GRIN2B: variants seen among roughly 807,000 people sequenced by gnomAD.
GRIN2B encodes the protein glutamate receptor ionotropic, NMDA 2B.
A neutral mutation model predicts 114.5 loss-of-function variants in GRIN2B; 5 were observed. That is an observed-to-expected ratio of 0.04 (90% CI 0.02 to 0.09). The LOEUF (loss-of-function observed/expected upper bound fraction) is 0.09. Ranked by LOEUF, GRIN2B falls within the 10% of genes least tolerant of loss-of-function variation. The probability of loss-of-function intolerance (pLI) is 1.00; values close to 1 mark genes in which losing one functional copy is unlikely to be tolerated. For synonymous variants in GRIN2B, 787 were observed against 745.1 expected, an observed-to-expected ratio of 1.06 and a Z score of -0.92; for missense variants, 1,108 against 1,943.5, an observed-to-expected ratio of 0.57 and a Z score of 8.08.
chr12:13,845,855 A>T (rs1030362895), intron 3 of GRIN2B, among the ~76,000 whole-genome samples: 4 of 152,204 alleles, frequency 2.6e-5, no homozygotes, highest in Non-Finnish European at 5.9e-5. Context: ...TATGTGCCAA[A>T]TCTTAAAATC....
intron 3 of GRIN2B, among the ~76,000 whole-genome samples, chr12:13,834,579 TG>T (rs1865220479): frequency 6.6e-6 from 1 of 152,182 alleles, no homozygotes; most frequent in Non-Finnish European, 1.5e-5. Context: ...ACCTCGTCCC[TG>T]GGTCAACTCT....
In GRIN2B at chr12:13,713,596, G is replaced by T. The variant is rs113555205; in HGVS notation, c.1011-37737C>A. Among the ~76,000 whole-genome samples the T allele has an allele frequency of 3.2e-3, 490 of 152,008 alleles. 6 individuals carry two copies. Among genetic ancestry groups the T allele is most frequent in the African/African-American group, 0.011 (462 of 41,526 alleles). ...TAAGACGTTCTTAATAGAACAAGAAGTCACATGAACCAATACGTCATTCCA... is the reference window on the plus strand; with the variant it reads ...TAAGACGTTCTTAATAGAACAAGAATTCACATGAACCAATACGTCATTCCA... On this transcript the variant is annotated intron_variant, in intron 4 of 13. Transcript: ENST00000609686.
At chr12:13,729,957 A>G (rs896417927) in intron 4 of GRIN2B, among the ~76,000 whole-genome samples, 2 of 151,228 alleles carry the variant, frequency 1.3e-5, no homozygotes, top group African/African-American at 4.9e-5. Flanking sequence ...CAGCACATGT[A>G]TCTTTGCTCT....
chr12:13,618,790 G>A (rs1314331656), intron 5 of GRIN2B, among the ~76,000 whole-genome samples: 3 of 152,290 alleles, frequency 2.0e-5, no homozygotes, highest in Non-Finnish European at 2.9e-5. Context: ...TTGGTATTAA[G>A]AGCTAACATG....
chr12:13,973,040 G>C (rs1862958254), intron 2 of GRIN2B, among the ~76,000 whole-genome samples: 1 of 152,124 alleles, frequency 6.6e-6, no homozygotes, highest in African/African-American at 2.4e-5. Flanking sequence ...GAAGGTGGGA[G>C]GATTAGTTAA....
In GRIN2B at chr12:13,608,242, C is replaced by T. The variant is rs527982508; in HGVS notation, c.2010+361G>A. On this transcript the variant is annotated intron_variant, in intron 10 of 13. Coordinates refer to ENST00000609686, the MANE Select transcript of GRIN2B (RefSeq NM_000834.5). ...GGAGGCCATCATGCGCCCATCTCCT[C>T]GGTGTGGGTACACGGCGGCGGTCCT... Among the ~76,000 whole-genome samples the T allele has an allele frequency of 2.6e-5, 4 of 152,210 alleles. No individual in the cohort carries two copies. The East Asian group carries it at 7.7e-4, about 29-fold the overall frequency.
intron 2 of GRIN2B, among the ~76,000 whole-genome samples, chr12:13,940,934 G>C (rs919996276): frequency 5.3e-5 from 8 of 152,106 alleles, no homozygotes; most frequent in African/African-American, 1.9e-4. Flanking sequence ...ACACCTTACA[G>C]GGACTTTGGG....
intron 5 of GRIN2B, among the ~76,000 whole-genome samples, chr12:13,647,547 T>C (rs1949772380): frequency 6.6e-6 from 1 of 152,016 alleles, no homozygotes; most frequent in African/African-American, 2.4e-5. Flanking sequence ...GGTCTTGAAG[T>C]TAAAAATAAT....
At chr12:13,582,235 AAG>A (rs1198067492) in intron 10 of GRIN2B, among the ~76,000 whole-genome samples, 5 of 152,234 alleles carry the variant, frequency 3.3e-5, no homozygotes, top group African/African-American at 1.2e-4. Flanking sequence ...GAATGGAGGT[AAG>A]AGGAATAAAT....
chr12:13,741,750 G>A (rs1381430525), intron 4 of GRIN2B, among the ~76,000 whole-genome samples: 1 of 151,942 alleles, frequency 6.6e-6, no homozygotes, highest in Admixed American at 6.6e-5. Context: ...TATAAAGACG[G>A]GGTTTTTGCC....
At chr12:13,899,164 C>A (rs1272466566) in intron 2 of GRIN2B, among the ~76,000 whole-genome samples, 1 of 152,108 alleles carries the variant, frequency 6.6e-6, no homozygotes, top group Non-Finnish European at 1.5e-5. Context: ...GATTTGAATT[C>A]TGGAATCAAG....
intron 2 of GRIN2B, among the ~76,000 whole-genome samples, chr12:13,939,771 A>T (rs1278960883): frequency 6.6e-6 from 1 of 151,992 alleles, no homozygotes; most frequent in Non-Finnish European, 1.5e-5. Context: ...GCTGGTTAAA[A>T]TGCTTCTTGT....
At chr12:13,837,657 T>C (rs1865298897) in intron 3 of GRIN2B, among the ~76,000 whole-genome samples, 1 of 152,140 alleles carries the variant, frequency 6.6e-6, no homozygotes, top group Non-Finnish European at 1.5e-5. Flanking sequence ...AATTTTGACT[T>C]TCAAATTCAC....
At chr12:13,927,447 G>A (rs1216612356) in intron 2 of GRIN2B, among the ~76,000 whole-genome samples, 1 of 151,976 alleles carries the variant, frequency 6.6e-6, no homozygotes, top group African/African-American at 2.4e-5. Flanking sequence ...ATAGCTATTC[G>A]ACTTTGCCCT....
At chr12:13,871,253 A>G (rs1865901486) in intron 2 of GRIN2B, among the ~76,000 whole-genome samples, 1 of 152,126 alleles carries the variant, frequency 6.6e-6, no homozygotes, top group African/African-American at 2.4e-5. Flanking sequence ...CATGAAAAAT[A>G]TTAAATCTAC....
intron 4 of GRIN2B, among the ~76,000 whole-genome samples, chr12:13,742,574 A>T (rs1156559970): frequency 6.6e-6 from 1 of 152,048 alleles, no homozygotes; most frequent in Non-Finnish European, 1.5e-5. Context: ...AGGATTACAG[A>T]TGTACACCAC....
At chr12:13,951,040 G>A (rs1276231517) in intron 2 of GRIN2B, among the ~76,000 whole-genome samples, 1 of 152,132 alleles carries the variant, frequency 6.6e-6, no homozygotes, top group African/African-American at 2.4e-5. Flanking sequence ...ATTCCAAGAA[G>A]AGCAAGGCCA....
chr12:13,937,333 T>C (rs1419676469), intron 2 of GRIN2B, among the ~76,000 whole-genome samples: 2 of 151,580 alleles, frequency 1.3e-5, no homozygotes, highest in Non-Finnish European at 2.9e-5. Flanking sequence ...GAAGGATAAA[T>C]AAAGGGAATC....
chr12:13,885,460 C>T (rs185672774), intron 2 of GRIN2B, among the ~76,000 whole-genome samples: 1 of 152,106 alleles, frequency 6.6e-6, no homozygotes, highest in Admixed American at 6.5e-5. Flanking sequence ...CTAAGAGGAA[C>T]CTTTTCTCCC....
Sources: allele counts gnomAD v4.1 joint callset (sites outside exome capture counted in the v4.1 genomes callset), GRCh38; gene constraint gnomAD v4.1.1; transcripts MANE v1.5; gene names NCBI Gene and HGNC (gene_info 2026-07-23, HGNC 2026-07-21).